The following RPS6KC1 variants were observed in gnomAD, a reference collection of about 807,000 sequenced individuals.
RPS6KC1 encodes ribosomal protein S6 kinase C1.
RPS6KC1 carries 54 observed loss-of-function variants against 103.8 expected under a neutral mutation model. The observed-to-expected ratio is 0.52, with a 90% CI of 0.42 to 0.65. The LOEUF is 0.65. RPS6KC1 is among the 30% of genes least tolerant of loss of function. The probability of loss-of-function intolerance (pLI) is 0.00; values close to 1 mark genes in which losing one functional copy is unlikely to be tolerated. For missense variants in RPS6KC1, 1,151 were observed against 1,253.8 expected (o/e 0.92, Z 1.24); for synonymous variants, 439 against 438.7 (o/e 1.00, Z -0.01).
chr1:213,430,832 G>T, the RPS6KC1 span, among the ~76,000 whole-genome samples: 1 of 152,130 alleles, frequency 6.6e-6, no homozygotes, highest in Non-Finnish European at 1.5e-5. Context: ...TTTCCTCTTG[G>T]CCATATGCAC....
the RPS6KC1 span, among the ~76,000 whole-genome samples, chr1:213,423,283 C>T: frequency 6.6e-6 from 1 of 152,188 alleles, no homozygotes; most frequent in African/African-American, 2.4e-5. Context: ...GAGAGAAATG[C>T]GCCTCAGGTA....
chr1:213,375,289 A>T, the RPS6KC1 span, among the ~76,000 whole-genome samples: 3 of 151,982 alleles, frequency 2.0e-5, no homozygotes, highest in Non-Finnish European at 4.4e-5. Context: ...ATATACACAC[A>T]TACATACACA....
At chr1:213,778,557 CT>C in the RPS6KC1 span, among the ~76,000 whole-genome samples, 2 of 151,724 alleles carry the variant, frequency 1.3e-5, no homozygotes, top group Admixed American at 6.6e-5. Flanking sequence ...TGGCCTGATC[CT>C]TTTTTTTCTT....
chr1:213,193,353 G>A (rs967569128), intron 8 of RPS6KC1, among the ~76,000 whole-genome samples: 1 of 152,058 alleles, frequency 6.6e-6, no homozygotes, highest in African/African-American at 2.4e-5. Flanking sequence ...CTGCCTCCTG[G>A]GTTCAAGTGA....
At chr1:213,536,653 G>A in the RPS6KC1 span, among the ~76,000 whole-genome samples, 78 of 152,298 alleles carry the variant, frequency 5.1e-4, 1 homozygote, top group South Asian at 2.1e-4. Flanking sequence ...CTTGGGCCTG[G>A]ATGGCAGAGG....
chr1:213,763,713 C>T, the RPS6KC1 span, among the ~76,000 whole-genome samples: 7 of 152,292 alleles, frequency 4.6e-5, no homozygotes, highest in South Asian at 2.1e-4. Context: ...AGATTCTTAG[C>T]GAGTTGAACT....
the RPS6KC1 span, among the ~76,000 whole-genome samples, chr1:213,281,719 G>A: frequency 9.2e-5 from 14 of 152,128 alleles, no homozygotes; most frequent in Non-Finnish European, 1.8e-4. Flanking sequence ...CTCCACTGTG[G>A]GCTATCATGG....
the RPS6KC1 span, among the ~76,000 whole-genome samples, chr1:213,692,100 G>A: frequency 2.6e-5 from 4 of 152,160 alleles, no homozygotes; most frequent in Non-Finnish European, 5.9e-5. Context: ...AGGAGTGAAA[G>A]TTTATTAAAA....
At chr1:213,677,565 G>A in the RPS6KC1 span, among the ~76,000 whole-genome samples, 32 of 152,178 alleles carry the variant, frequency 2.1e-4, no homozygotes, top group African/African-American at 7.2e-4. Context: ...TGGCATTAAT[G>A]TAAACCCGGA....
At chr1:213,232,391 C>A in intron 10 of RPS6KC1, 136 bp downstream of exon 10, 1 of 1,081,844 alleles carries the variant, frequency 9.2e-7, no homozygotes, top group Admixed American at 2.0e-5. Context: ...TCTGCTCTAC[C>A]TCCCTACTTT....
chr1:213,413,275 A>G, the RPS6KC1 span, among the ~76,000 whole-genome samples: 1 of 152,224 alleles, frequency 6.6e-6, no homozygotes, highest in Non-Finnish European at 1.5e-5. Flanking sequence ...GAACATTCCA[A>G]TTCCACTTTT....
chr1:213,721,089 G>C, the RPS6KC1 span, among the ~76,000 whole-genome samples: 45 of 152,088 alleles, frequency 3.0e-4, no homozygotes, highest in African/African-American at 9.4e-4. Context: ...GAAATCCACA[G>C]ATTAAAAAGT....
At chr1:213,757,207 T>C in the RPS6KC1 span, among the ~76,000 whole-genome samples, 26 of 152,336 alleles carry the variant, frequency 1.7e-4, no homozygotes, top group Non-Finnish European at 2.8e-4. Flanking sequence ...AATCTAAAGC[T>C]AGACATAGTT....
the RPS6KC1 span, among the ~76,000 whole-genome samples, chr1:213,779,252 G>A: frequency 6.6e-6 from 1 of 152,150 alleles, no homozygotes; most frequent in Non-Finnish European, 1.5e-5. Context: ...AGGAGGCATA[G>A]CAACTGAACA....
intron 8 of RPS6KC1, among the ~76,000 whole-genome samples, chr1:213,184,302 A>G (rs1054159894): frequency 2.0e-5 from 3 of 152,136 alleles, no homozygotes; most frequent in Non-Finnish European, 4.4e-5. Context: ...CTATAGACCA[A>G]TATTCTCATA....
the RPS6KC1 span, among the ~76,000 whole-genome samples, chr1:213,461,479 T>A: frequency 1.3e-5 from 2 of 152,104 alleles, no homozygotes; most frequent in Non-Finnish European, 2.9e-5. Flanking sequence ...CAAGAAAATC[T>A]TAAGCAAAAA....
the RPS6KC1 span, among the ~76,000 whole-genome samples, chr1:213,420,870 G>A: frequency 1.3e-5 from 2 of 152,228 alleles, no homozygotes; most frequent in East Asian, 1.9e-4. Context: ...CCCCATGCAC[G>A]CCTCTCTCCT....
intron 7 of RPS6KC1, among the ~76,000 whole-genome samples, chr1:213,170,391 A>G (rs962863451): frequency 3.3e-5 from 5 of 152,248 alleles, no homozygotes; most frequent in African/African-American, 9.6e-5. Flanking sequence ...TTGATTATAC[A>G]GTAATTCATT....
chr1:213,573,758 G>A, the RPS6KC1 span, among the ~76,000 whole-genome samples: 1 of 152,224 alleles, frequency 6.6e-6, no homozygotes, highest in African/African-American at 2.4e-5. Context: ...AGAGGTGGGG[G>A]TAGGAGAGCC....
Sources: allele counts gnomAD v4.1 joint callset (sites outside exome capture counted in the v4.1 genomes callset), GRCh38; gene constraint gnomAD v4.1.1; transcripts MANE v1.5; gene names NCBI Gene and HGNC (gene_info 2026-07-23, HGNC 2026-07-21).